Variants in SPMIP2 observed in about 807,000 individuals in gnomAD.
The protein encoded by SPMIP2 is protein SPMIP2.
chr4:158,914,329 C>G, the SPMIP2 span, among the ~76,000 whole-genome samples: 1 of 152,190 alleles, frequency 6.6e-6, no homozygotes, highest in Non-Finnish European at 1.5e-5. Flanking sequence ...AGCTAAGTCT[C>G]CTGCCATCAC....
At chr4:159,023,028 C>CAATAAAATAAAATAA in the SPMIP2 span, among the ~76,000 whole-genome samples, 7 of 137,402 alleles carry the variant, frequency 5.1e-5, no homozygotes, top group African/African-American at 1.4e-4. Context: ...GACTCCATCT[C>CAATAAAATAAAATAA]AATAAAATAA....
the SPMIP2 span, among the ~76,000 whole-genome samples, chr4:159,078,090 C>T: frequency 3.0e-4 from 45 of 152,010 alleles, no homozygotes; most frequent in African/African-American, 1.0e-3. Flanking sequence ...TAAATCTAAA[C>T]TTTGATTTTA....
At chr4:158,992,998 G>A in the SPMIP2 span, among the ~76,000 whole-genome samples, 2 of 152,188 alleles carry the variant, frequency 1.3e-5, no homozygotes, top group Non-Finnish European at 2.9e-5. Context: ...GATGAAAAGT[G>A]CACATGCTTT....
At chr4:158,899,486 T>G in the SPMIP2 span, among the ~76,000 whole-genome samples, 2 of 152,216 alleles carry the variant, frequency 1.3e-5, no homozygotes, top group African/African-American at 4.8e-5. Context: ...GTCCTGGACA[T>G]TTTTTGGTTG....
At chr4:159,038,414 G>A in the SPMIP2 span, among the ~76,000 whole-genome samples, 13 of 152,096 alleles carry the variant, frequency 8.5e-5, no homozygotes, top group South Asian at 2.1e-4. Context: ...TTTCATGTGC[G>A]TCAGGGCCAT....
the SPMIP2 span, among the ~76,000 whole-genome samples, chr4:158,977,565 TTGAAGGGTTTTTTG>T: frequency 5.0e-5 from 1 of 19,932 alleles, no homozygotes; most frequent in Non-Finnish European, 1.4e-4. Context: ...CATTGATTTT[TTGAAGGGTTTTTTG>T]TGTCTCTATC....
chr4:158,936,474 C>T, the SPMIP2 span, among the ~76,000 whole-genome samples: 1 of 152,232 alleles, frequency 6.6e-6, no homozygotes, highest in Non-Finnish European at 1.5e-5. Context: ...GACCTGTTTC[C>T]TCAACAAGCT....
At chr4:158,983,256 A>T in the SPMIP2 span, among the ~76,000 whole-genome samples, 3 of 152,108 alleles carry the variant, frequency 2.0e-5, no homozygotes, top group Non-Finnish European at 4.4e-5. Context: ...TATCCAGGAG[A>T]ACTTCCCCAA....
the SPMIP2 span, chr4:158,895,997 G>A: frequency 1.0e-3 from 639 of 637,504 alleles, 3 homozygotes; most frequent in Non-Finnish European, 1.5e-3. Context: ...GAGTCCATCA[G>A]ATACGTGCCT....
chr4:158,912,099 G>A, the SPMIP2 span, among the ~76,000 whole-genome samples: 1 of 151,994 alleles, frequency 6.6e-6, no homozygotes, highest in African/African-American at 2.4e-5. Flanking sequence ...AATCCAGAAG[G>A]GGAAAATAAT....
At chr4:158,916,706 C>A in the SPMIP2 span, among the ~76,000 whole-genome samples, 1 of 152,114 alleles carries the variant, frequency 6.6e-6, no homozygotes, top group African/African-American at 2.4e-5. Flanking sequence ...TGCAATGACA[C>A]GATCTCTGCT....
At chr4:158,907,066 C>CA in the SPMIP2 span, 1 of 152,116 alleles carries the variant, frequency 6.6e-6, no homozygotes, top group Non-Finnish European at 1.5e-5. Context: ...CTTGCTTTTC[C>CA]AAGCAAGCTA....
At chr4:158,921,405 G>A in the SPMIP2 span, among the ~76,000 whole-genome samples, 1 of 151,936 alleles carries the variant, frequency 6.6e-6, no homozygotes, top group Non-Finnish European at 1.5e-5. Flanking sequence ...TCACACCACT[G>A]CAATCCAGCC....
chr4:158,897,454 A>G, the SPMIP2 span, among the ~76,000 whole-genome samples: 1 of 152,234 alleles, frequency 6.6e-6, no homozygotes, highest in South Asian at 2.1e-4. Context: ...TTAGACTCCC[A>G]TCAACAGTGT....
the SPMIP2 span, among the ~76,000 whole-genome samples, chr4:158,896,085 G>C: frequency 6.6e-6 from 1 of 152,092 alleles, no homozygotes; most frequent in Non-Finnish European, 1.5e-5. Flanking sequence ...AGGACTTTAG[G>C]CTGGTCGTGC....
chr4:159,007,047 T>C, the SPMIP2 span: 1 of 458,478 alleles, frequency 2.2e-6, no homozygotes, highest in Non-Finnish European at 4.2e-6. Flanking sequence ...AGTATTTTCT[T>C]CTAAAATGTA....
At chr4:159,040,236 C>CCA in the SPMIP2 span, among the ~76,000 whole-genome samples, 1 of 150,450 alleles carries the variant, frequency 6.6e-6, no homozygotes, top group Non-Finnish European at 1.5e-5. Flanking sequence ...CAGTGGTGTG[C>CCA]TCTTGGCTCA....
chr4:158,991,961 AGCTCACT>A, the SPMIP2 span, among the ~76,000 whole-genome samples: 2 of 152,158 alleles, frequency 1.3e-5, no homozygotes, highest in Non-Finnish European at 2.9e-5. Flanking sequence ...ATGCAATCCT[AGCTCACT>A]GCAGCCTTGA....
the SPMIP2 span, chr4:158,904,582 A>T: frequency 1.9e-6 from 3 of 1,556,456 alleles, no homozygotes; most frequent in Non-Finnish European, 2.6e-6. Context: ...GAAGAAAAAA[A>T]TCAAATTCTC....
Sources: allele counts gnomAD v4.1 joint callset (sites outside exome capture counted in the v4.1 genomes callset), GRCh38; gene constraint gnomAD v4.1.1; transcripts MANE v1.5; gene names NCBI Gene and HGNC (gene_info 2026-07-23, HGNC 2026-07-21).